The following NPHP4 variants were observed in gnomAD, a reference collection of about 807,000 sequenced individuals.
NPHP4 encodes nephrocystin-4.
Under a neutral mutation model 155.8 loss-of-function variants are expected in NPHP4, and 151 were observed. That is an observed-to-expected ratio of 0.97 (90% CI 0.85 to 1.11). The LOEUF is 1.11. Ranked by LOEUF, NPHP4 falls within the 50% of genes least tolerant of loss-of-function variation. NPHP4 has a pLI of 0.00. For synonymous variants in NPHP4, 845 were observed against 816.8 expected (o/e 1.03, Z -0.59); for missense variants, 1,956 against 1,925.7 (o/e 1.02, Z -0.29).
At chr1:5,873,450 T>C in intron 22 of NPHP4, 115 bp from the exon 23 acceptor site, 1 of 795,900 alleles carries the variant, frequency 1.3e-6, no homozygotes, top group South Asian at 1.5e-5. Context: ...CCTCTCACAC[T>C]GACTCTCCAG....
chr1:5,966,734 G>A (rs1651576789), intron 5 of NPHP4, among the ~76,000 whole-genome samples: 1 of 152,054 alleles, frequency 6.6e-6, no homozygotes, highest in Non-Finnish European at 1.5e-5. Flanking sequence ...CCTCCCTGAT[G>A]TCCTTCTAGC....
At chr1:5,991,017 G>A (rs1390549418) in intron 1 of NPHP4, among the ~76,000 whole-genome samples, 1 of 152,140 alleles carries the variant, frequency 6.6e-6, no homozygotes, top group Admixed American at 6.5e-5. Flanking sequence ...ACTGTGAGCA[G>A]CAACAGGCCC....
At chr1:5,916,978 G>C (rs1645505938) in intron 11 of NPHP4, among the ~76,000 whole-genome samples, 2 of 152,316 alleles carry the variant, frequency 1.3e-5, no homozygotes, top group Admixed American at 1.3e-4. Context: ...AGAATAGCTG[G>C]GCAAAGCTGG....
chr1:5,873,178 G>A (rs949129234), intron 23 of NPHP4, 74 bp downstream of exon 23: 3 of 1,320,104 alleles, frequency 2.3e-6, no homozygotes, highest in Non-Finnish European at 3.3e-6. Flanking sequence ...GGAGGGGAGA[G>A]AAGGACACAA....
At position 5,899,016 on chromosome 1, in the gene NPHP4, A is replaced by G. The variant is rs549336725; in HGVS notation, c.2143+5601T>C. ...ATCAGGATGGTTCAAAGAAACAAAG[A>G]AAACCAGCGATCACCACGTGACTGG... On this transcript the variant is annotated intron_variant, in intron 16 of 29. Coordinates refer to ENST00000378156, the MANE Select transcript of NPHP4 (RefSeq NM_015102.5). Among the ~76,000 whole-genome samples the G allele has an allele frequency of 2.6e-5, 4 of 152,356 alleles. No homozygotes were observed. The East Asian group carries it at 7.7e-4, about 29-fold the overall frequency.
chr1:5,934,678 A>G (rs1455216440), intron 9 of NPHP4, among the ~76,000 whole-genome samples: 1 of 152,192 alleles, frequency 6.6e-6, no homozygotes, highest in Admixed American at 6.5e-5. Flanking sequence ...GCCTGAGGGC[A>G]TGAACCCAGG....
At chr1:5,967,044 C>T (rs1651650624) in intron 5 of NPHP4, among the ~76,000 whole-genome samples, 1 of 152,250 alleles carries the variant, frequency 6.6e-6, no homozygotes, top group African/African-American at 2.4e-5. Context: ...GTTCCCCTCC[C>T]TCCAGGTGGC....
intron 11 of NPHP4, among the ~76,000 whole-genome samples, chr1:5,925,604 T>G (rs553626059): frequency 6.0e-5 from 9 of 150,646 alleles, no homozygotes; most frequent in South Asian, 2.1e-4. Context: ...AGGGAATGGG[T>G]TTTTTTTTGT....
intron 27 of NPHP4, 75 bp from the exon 28 acceptor site, chr1:5,864,592 G>T: frequency 1.5e-6 from 2 of 1,360,826 alleles, no homozygotes; most frequent in Non-Finnish European, 2.0e-6. Flanking sequence ...GGCGCCTGCA[G>T]CCCAATCAGC....
At chr1:5,920,066 G>A (rs1645663684) in intron 11 of NPHP4, among the ~76,000 whole-genome samples, 1 of 152,030 alleles carries the variant, frequency 6.6e-6, no homozygotes, top group Non-Finnish European at 1.5e-5. Flanking sequence ...CGAGTAGCTG[G>A]GACTACAGGC....
intron 9 of NPHP4, among the ~76,000 whole-genome samples, chr1:5,941,156 G>C (rs2101849536): frequency 6.6e-6 from 1 of 152,234 alleles, no homozygotes; most frequent in South Asian, 2.1e-4. Context: ...TAAAGACAGA[G>C]TATGTGATAA....
rs187403043 is a variant in NPHP4 at position 5,989,837 on chromosome 1, T to C, written c.-39+2407A>G. ...CAAGGACACTGCTGAAGGACGTGCA[T>C]ACGCCAGTCGACCCTCACAGGGAGC... On this transcript the variant is annotated intron_variant, in intron 1 of 29. Coordinates refer to ENST00000378156, the MANE Select transcript of NPHP4 (RefSeq NM_015102.5). Among the ~76,000 whole-genome samples, 16 of 152,290 alleles carry C rather than the reference T, an allele frequency of 1.1e-4. No individual in the cohort carries two copies. In the East Asian group the frequency reaches 2.7e-3, roughly 26 times the overall value.
chr1:5,985,806 G>GT (rs1457970008), intron 2 of NPHP4, among the ~76,000 whole-genome samples: 1 of 152,180 alleles, frequency 6.6e-6, no homozygotes, highest in Non-Finnish European at 1.5e-5. Context: ...ACTCTATCCT[G>GT]TTTAAGTTGA....
chr1:5,887,222 C>A (rs1216763364), intron 18 of NPHP4, 64 bp downstream of exon 18: 3 of 1,469,830 alleles, frequency 2.0e-6, no homozygotes, highest in Admixed American at 4.0e-5. Context: ...CCCGAGGGAG[C>A]CCACACTCTA....
intron 16 of NPHP4, among the ~76,000 whole-genome samples, chr1:5,896,007 T>C (rs989506850): frequency 6.6e-6 from 1 of 152,206 alleles, no homozygotes; most frequent in East Asian, 1.9e-4. Context: ...ACTTGGGCTA[T>C]GACATTAACT....
chr1:5,863,001 T>C lies in NPHP4; in HGVS notation c.*264A>G. ...ATAACGAGGGTCCCACATGCGTAGATGGCAGCACCAGAGCCAGACCCACCA... is the reference window on the plus strand; with the variant it reads ...ATAACGAGGGTCCCACATGCGTAGACGGCAGCACCAGAGCCAGACCCACCA... On this transcript the variant is annotated 3_prime_UTR_variant, in exon 30 of 30. Transcript: ENST00000378156. 1 of 532,828 alleles carries C rather than the reference T, an allele frequency of 1.9e-6. No homozygotes were observed. 33.0% of individuals were successfully genotyped at this position (532,828 alleles called of 1,614,324 possible).
intron 23 of NPHP4, among the ~76,000 whole-genome samples, chr1:5,868,660 A>C (rs1391398385): frequency 6.7e-6 from 1 of 148,330 alleles, no homozygotes; most frequent in Non-Finnish European, 1.5e-5. Context: ...ACACGCATCC[A>C]GCCACAAATG....
intron 17 of NPHP4, chr1:5,888,241 C>A: frequency 1.3e-6 from 1 of 742,406 alleles, no homozygotes; most frequent in African/African-American, 1.9e-5. Context: ...CGGCTCAGCA[C>A]TCTGCCCGAA....
chr1:5,909,102 A>C, intron 12 of NPHP4, 50 bp downstream of exon 12: 1 of 1,425,304 alleles, frequency 7.0e-7, no homozygotes. Context: ...TTTTCTTGCA[A>C]GTAATTGACT....
Sources: allele counts gnomAD v4.1 joint callset (sites outside exome capture counted in the v4.1 genomes callset), GRCh38; gene constraint gnomAD v4.1.1; transcripts MANE v1.5; gene names NCBI Gene and HGNC (gene_info 2026-07-23, HGNC 2026-07-21).